The following C4BPA variants were observed in gnomAD, a reference collection of about 807,000 sequenced individuals.
C4BPA encodes the protein complement component 4 binding protein alpha, also known as C4b-binding protein alpha chain.
A neutral mutation model predicts 63.7 loss-of-function variants in C4BPA; 31 were observed. That is an observed-to-expected ratio of 0.49 (90% CI 0.37 to 0.66). The LOEUF is 0.66. Among genes scored for constraint, C4BPA ranks in the 30% least tolerant of loss-of-function variants. C4BPA has a pLI of 0.00. For synonymous variants in C4BPA, 259 were observed against 254.7 expected, an observed-to-expected ratio of 1.02 and a Z score of -0.16; for missense variants, 572 against 723.3, an observed-to-expected ratio of 0.79 and a Z score of 2.40.
chr1:207,104,949 C>T (rs1684528815), intron 1 of C4BPA, among the ~76,000 whole-genome samples: 1 of 152,222 alleles, frequency 6.6e-6, no homozygotes, highest in African/African-American at 2.4e-5. Flanking sequence ...GGCCAGCCTC[C>T]AGTTGGTTTC....
At chr1:207,138,654 A>G (rs1183187127) in intron 9 of C4BPA, among the ~76,000 whole-genome samples, 1 of 152,172 alleles carries the variant, frequency 6.6e-6, no homozygotes, top group Non-Finnish European at 1.5e-5. Context: ...ACCTGCTGTT[A>G]AGCACTTTCC....
At chr1:207,115,601 A>G (rs2102333153) in intron 4 of C4BPA, 86 bp downstream of exon 4, 2 of 693,340 alleles carry the variant, frequency 2.9e-6, no homozygotes, top group East Asian at 6.8e-5. Context: ...ATTTAAAATG[A>G]TGTAAAAAGA....
At chr1:207,117,301 A>T (rs1684818655) in intron 4 of C4BPA, among the ~76,000 whole-genome samples, 2 of 152,110 alleles carry the variant, frequency 1.3e-5, no homozygotes, top group African/African-American at 4.8e-5. Context: ...AATTAAAAAC[A>T]TTAGCCGAGT....
intron 1 of C4BPA, among the ~76,000 whole-genome samples, chr1:207,108,751 G>A (rs932242434): frequency 2.8e-4 from 42 of 152,246 alleles, no homozygotes; most frequent in African/African-American, 9.1e-4. Context: ...TTGAGACGGA[G>A]TCTCTCTGTC....
intron 6 of C4BPA, among the ~76,000 whole-genome samples, chr1:207,125,436 A>G (rs1685018688): frequency 6.6e-6 from 1 of 152,216 alleles, no homozygotes; most frequent in South Asian, 2.1e-4. Context: ...GTGCATCTCC[A>G]AACTCATGAT....
intron 4 of C4BPA, among the ~76,000 whole-genome samples, chr1:207,116,539 T>C (rs1684794438): frequency 6.6e-6 from 1 of 150,630 alleles, no homozygotes; most frequent in Non-Finnish European, 1.5e-5. Flanking sequence ...TGTGTGTGTG[T>C]GTGTGTGTGT....
intron 4 of C4BPA, among the ~76,000 whole-genome samples, chr1:207,118,866 T>C (rs9943269): frequency 0.013 from 1,929 of 152,262 alleles, 38 homozygotes; most frequent in African/African-American, 0.043. Context: ...CCTGGAGAAA[T>C]AGAACCGCAG....
intron 1 of C4BPA, among the ~76,000 whole-genome samples, chr1:207,108,610 G>A (rs990729364): frequency 1.1e-4 from 16 of 152,108 alleles, no homozygotes; most frequent in Non-Finnish European, 1.5e-4. Context: ...AAACTTACAC[G>A]GAGGAAGGAA....
intron 4 of C4BPA, among the ~76,000 whole-genome samples, chr1:207,119,527 A>G (rs1684881088): frequency 1.1e-5 from 1 of 93,262 alleles, no homozygotes; most frequent in Admixed American, 1.2e-4. Flanking sequence ...TTAATTTCCA[A>G]ATAAAGTCAA....
rs373033326 is a variant in C4BPA, at chr1:207,114,164, A to C, written c.207A>C (p.Thr69=). 1.2e-6 allele frequency: 2 copies of C among 1,613,726 alleles called. No homozygotes were observed. Among genetic ancestry groups the C allele is most frequent in the Non-Finnish European group, 1.7e-6 (2 of 1,179,842 alleles). ...CGATGGATATTACGTTGACTGAGAC[A>C]CGCTTCAAAACTGGAACTACTCTGA... ...AAPMDITLTE[T]RFKTGTTLKY... is the part of the protein sequence containing the mutation. Residue 69 remains threonine, a synonymous_variant, in exon 3 of 12, where the codon ACA becomes ACC. Coordinates refer to ENST00000367070, the MANE Select transcript of C4BPA (RefSeq NM_000715.4).
intron 1 of C4BPA, among the ~76,000 whole-genome samples, chr1:207,109,912 A>G (rs555093758): frequency 7.2e-5 from 11 of 152,334 alleles, no homozygotes; most frequent in African/African-American, 2.6e-4. Flanking sequence ...ATCAGTCCTT[A>G]ACAAAGCATA....
intron 8 of C4BPA, among the ~76,000 whole-genome samples, chr1:207,133,554 G>A (rs1331739585): frequency 2.0e-5 from 3 of 152,206 alleles, no homozygotes; most frequent in Non-Finnish European, 4.4e-5. Context: ...CTTGAGGCCA[G>A]GAGTTTGAGA....
In C4BPA at chr1:207,141,072, T is replaced by G. The variant is rs369784490; in HGVS notation, c.1274-34T>G. Reference sequence around the variant, plus strand: ...GTGCTACTTTATACACTTTACAAACTAATGCTCTCTCACTTTTTTGTCTCT... The same window carrying G: ...GTGCTACTTTATACACTTTACAAACGAATGCTCTCTCACTTTTTTGTCTCT... On this transcript the variant is annotated intron_variant, in intron 9 of 11. Coordinates refer to ENST00000367070, the MANE Select transcript of C4BPA (RefSeq NM_000715.4). The G allele has an allele frequency of 5.1e-6, 8 of 1,565,904 alleles. No homozygotes were observed. In the African/African-American group the frequency reaches 9.5e-5, roughly 19 times the overall value.
At chr1:207,117,090 G>A (rs931727122) in intron 4 of C4BPA, among the ~76,000 whole-genome samples, 4 of 152,116 alleles carry the variant, frequency 2.6e-5, no homozygotes, top group African/African-American at 9.7e-5. Flanking sequence ...CTGACAGTAT[G>A]TATTTATTTT....
chr1:207,136,735 C>T (rs1319551411), intron 9 of C4BPA, among the ~76,000 whole-genome samples: 2 of 152,128 alleles, frequency 1.3e-5, no homozygotes, highest in African/African-American at 2.4e-5. Flanking sequence ...TTGAATATTT[C>T]AAGTGGAAAA....
intron 10 of C4BPA, 151 bp from the exon 11 acceptor site, chr1:207,143,667 C>T: frequency 1.6e-6 from 1 of 625,352 alleles, no homozygotes. Context: ...GGTAGTCATA[C>T]TCAATAAAAT....
At chr1:207,143,711 T>C in intron 10 of C4BPA, 107 bp from the exon 11 acceptor site, 3 of 765,716 alleles carry the variant, frequency 3.9e-6, no homozygotes, top group Non-Finnish European at 4.2e-6. Context: ...AAGAGAAAGA[T>C]AGAACAATTA....
At position 207,123,988 on chromosome 1, in the gene C4BPA, T is replaced by A. The variant is rs775434720; in HGVS notation, c.495T>A (p.His165Gln). ...AAGATAGAGGAGTTGGCTGGAGTCA[T>A]CCTCTCCCACAATGTGAAAGTAAGT... ...EVQDRGVGWS[H>Q]PLPQCEIVKC... Residue 165 changes from histidine (H) to glutamine (Q), a missense_variant, in exon 5 of 12, where the codon CAT (histidine) becomes CAA (glutamine). By Grantham distance (24) the His-to-Gln change is conservative (BLOSUM62 0). Around this residue, in one of 2 missense-constraint regions of C4BPA, gnomAD observed 465 missense variants for 629.4 expected, o/e 0.74. Transcript: ENST00000367070. 2 of 1,610,574 alleles carry A rather than the reference T, an allele frequency of 1.2e-6. No individual in the cohort carries two copies. Among genetic ancestry groups the A allele is most frequent in the Non-Finnish European group, 1.7e-6 (2 of 1,177,554 alleles).
intron 9 of C4BPA, among the ~76,000 whole-genome samples, chr1:207,135,199 A>T (rs1685253888): frequency 6.6e-6 from 1 of 152,140 alleles, no homozygotes; most frequent in Non-Finnish European, 1.5e-5. Context: ...TTAGCCAGGC[A>T]TGGTGGCGTG....
Sources: gnomAD v4.1 joint callset for allele counts (sites outside exome capture counted in the v4.1 genomes callset) on GRCh38, gnomAD v4.1.1 for gene constraint, gnomAD v4.1.1 regional missense constraint, MANE v1.5 for transcripts, NCBI Gene and HGNC (gene_info 2026-07-23, HGNC 2026-07-21) for gene names.